PTGER3: variants seen among roughly 807,000 people sequenced by gnomAD.
PTGER3 encodes the protein prostaglandin E2 receptor EP3 subtype.
In PTGER3, 22 loss-of-function variants were observed where a neutral mutation model predicts 34.7. The ratio of observed to expected loss-of-function variants is 0.63; its 90% confidence interval spans 0.45 to 0.91. The LOEUF is 0.91. Ranked by LOEUF, PTGER3 falls within the 40% of genes least tolerant of loss-of-function variation. PTGER3 has a pLI of 0.00. For missense variants in PTGER3, 468 were observed against 519.4 expected, an observed-to-expected ratio of 0.90 and a Z score of 0.96; for synonymous variants, 241 against 230.1, an observed-to-expected ratio of 1.05 and a Z score of -0.43.
chr1:70,923,147 C>A (rs1323090545), intron 4 of PTGER3, among the ~76,000 whole-genome samples: 1 of 151,230 alleles, frequency 6.6e-6, no homozygotes, highest in Non-Finnish European at 1.5e-5. Context: ...ACAACAGTGA[C>A]ATTTGGCTTA....
intron 4 of PTGER3, among the ~76,000 whole-genome samples, chr1:70,867,917 G>T (rs1485596691): frequency 6.6e-6 from 1 of 152,082 alleles, no homozygotes; most frequent in African/African-American, 2.4e-5. Flanking sequence ...CAAACAGACA[G>T]CATTTGATTC....
intron 4 of PTGER3, among the ~76,000 whole-genome samples, chr1:70,857,138 G>A (rs1018034900): frequency 3.3e-5 from 5 of 152,142 alleles, no homozygotes; most frequent in Non-Finnish European, 7.4e-5. Context: ...AACGTCTTTT[G>A]TAGTTACTTA....
chr1:70,945,972 A>G (rs1184733143), intron 4 of PTGER3, among the ~76,000 whole-genome samples: 1 of 152,142 alleles, frequency 6.6e-6, no homozygotes, highest in Admixed American at 6.6e-5. Flanking sequence ...CACAGCTAAC[A>G]TTGGAAAGGG....
intron 2 of PTGER3, among the ~76,000 whole-genome samples, chr1:70,989,751 T>A (rs1655256257): frequency 6.6e-6 from 1 of 152,138 alleles, no homozygotes; most frequent in East Asian, 1.9e-4. Flanking sequence ...GAATCAAGCA[T>A]CCAGACATTT....
intron 2 of PTGER3, among the ~76,000 whole-genome samples, chr1:71,004,595 A>G (rs1656775162): frequency 6.6e-6 from 1 of 152,268 alleles, no homozygotes; most frequent in South Asian, 2.1e-4. Flanking sequence ...TTGTCTGGAA[A>G]TGTGTACTTA....
At chr1:70,995,539 C>T (rs1016705316) in intron 2 of PTGER3, among the ~76,000 whole-genome samples, 1 of 152,026 alleles carries the variant, frequency 6.6e-6, no homozygotes, top group African/African-American at 2.4e-5. Flanking sequence ...TTCACTCTAG[C>T]GTCCAAATAC....
chr1:70,992,722 T>C (rs1655587990), intron 2 of PTGER3, among the ~76,000 whole-genome samples: 1 of 152,208 alleles, frequency 6.6e-6, no homozygotes. Flanking sequence ...GATTTCATCA[T>C]TTTACTTGAT....
intron 4 of PTGER3, among the ~76,000 whole-genome samples, chr1:70,890,706 C>A (rs1422710153): frequency 1.3e-5 from 2 of 152,222 alleles, no homozygotes; most frequent in Admixed American, 6.5e-5. Context: ...ACAGCCCTCC[C>A]TGACCTATCC....
intron 2 of PTGER3, among the ~76,000 whole-genome samples, chr1:70,999,961 T>A (rs969605140): frequency 6.6e-6 from 1 of 152,228 alleles, no homozygotes; most frequent in African/African-American, 2.4e-5. Context: ...CACACCTAGA[T>A]TGGACATATG....
At chr1:70,983,934 G>A (rs1337799345) in intron 2 of PTGER3, among the ~76,000 whole-genome samples, 2 of 152,220 alleles carry the variant, frequency 1.3e-5, no homozygotes, top group African/African-American at 4.8e-5. Flanking sequence ...CTTCCTGAAA[G>A]GTCCTAGTCC....
At chr1:70,951,491 T>C (rs1315689421), downstream of PTGER3, 3 of 152,180 alleles carry the variant, frequency 2.0e-5, no homozygotes, top group South Asian at 2.1e-4. Context: ...TGCCTTTTAC[T>C]TTGGATTTGT....
intron 2 of PTGER3, among the ~76,000 whole-genome samples, chr1:70,978,275 T>C (rs1366568216): frequency 6.6e-6 from 1 of 152,164 alleles, no homozygotes; most frequent in East Asian, 1.9e-4. Flanking sequence ...AGGCTAGATA[T>C]ACCTGTATTG....
chr1:70,918,045 A>C (rs1438199474), intron 4 of PTGER3, among the ~76,000 whole-genome samples: 1 of 152,040 alleles, frequency 6.6e-6, no homozygotes, highest in Non-Finnish European at 1.5e-5. Context: ...ATAAAACCAC[A>C]CATAGACCAA....
Position 71,047,458 on chromosome 1 carries a change from A to C in PTGER3, c.120T>G (p.Pro40=). 2.3e-5 allele frequency: 37 copies of C among 1,610,038 alleles called. No homozygotes were observed. The highest frequency in any genetic ancestry group is 3.1e-5 in the Non-Finnish European group (37 of 1,179,158). The change falls in exon 1 of 4, where the codon CCT becomes CCG. Residue 40 remains proline (P), a synonymous_variant. Transcript: ENST00000306666. ...SAEARGNLTR[P]PGSGEDCGSV... is the part of the protein sequence containing the mutation. ...ATCCGCAATCCTCGCCAGACCCTGG[A>C]GGGCGCGTGAGGTTGCCCCGCGCCT...
Position 70,909,376 on chromosome 1 carries a change from T to C in PTGER3, c.*23+44387A>G, listed in dbSNP as rs377134402. Among the ~76,000 whole-genome samples the C allele has an allele frequency of 3.9e-4, 59 of 152,308 alleles. No homozygotes were observed. The South Asian group carries it at 0.011, about 28-fold the overall frequency. ...GAGACATACTTTACACTGAAAGCCATTTTTTATTGTGTTAATGTAAGTATA... is the reference window on the plus strand; with the variant it reads ...GAGACATACTTTACACTGAAAGCCACTTTTTATTGTGTTAATGTAAGTATA... On this transcript the variant is annotated intron_variant, in intron 4 of 4. Coordinates refer to the PTGER3 transcript ENST00000370931.
intron 4 of PTGER3, among the ~76,000 whole-genome samples, chr1:70,947,165 A>C (rs1046060991): frequency 2.6e-5 from 4 of 152,132 alleles, no homozygotes; most frequent in Non-Finnish European, 5.9e-5. Flanking sequence ...ACTTCTGTGG[A>C]TATATCTAAC....
Position 71,012,470 on chromosome 1 carries a change from T to C in PTGER3, c.912A>G (p.Lys304=), listed in dbSNP as rs1221234720. ...CWSPLLIMML[K]MIFNQTSVEH... is the part of the protein sequence containing the mutation. The stretch of plus-strand genomic sequence containing the variant: ...CAACTGATGTCTGATTGAAGATCAT[T>C]TTCAACATCATTATCTAAGAAAAGG... Residue 304 remains lysine, a synonymous_variant, in exon 2 of 4, where the codon AAA becomes AAG. Coordinates refer to ENST00000306666, the MANE Select transcript of PTGER3 (RefSeq NM_198719.2). 6.2e-7 allele frequency: 1 copy of C among 1,612,462 alleles called. No homozygotes were observed. Among genetic ancestry groups the C allele is most frequent in the Admixed American group, 1.7e-5 (1 of 59,950 alleles).
intron 4 of PTGER3, among the ~76,000 whole-genome samples, chr1:70,942,993 G>A (rs1393761476): frequency 6.6e-6 from 1 of 152,070 alleles, no homozygotes; most frequent in Non-Finnish European, 1.5e-5. Flanking sequence ...ATTTTGTTAC[G>A]GCAGCCCTAG....
chr1:70,956,879 C>A (rs1305053593), intron 2 of PTGER3, among the ~76,000 whole-genome samples: 1 of 152,114 alleles, frequency 6.6e-6, no homozygotes, highest in African/African-American at 2.4e-5. Context: ...CCTGTAATCC[C>A]AGCTACTTGG....
Sources: allele counts gnomAD v4.1 joint callset (sites outside exome capture counted in the v4.1 genomes callset), GRCh38; gene constraint gnomAD v4.1.1; transcripts MANE v1.5; gene names NCBI Gene and HGNC (gene_info 2026-07-23, HGNC 2026-07-21).